Variants in GFY observed in about 807,000 individuals in gnomAD.
GFY encodes the protein Golgi-associated olfactory signaling regulator.
Under a neutral mutation model 29.1 loss-of-function variants are expected in GFY, and 28 were observed. The observed-to-expected ratio is 0.96, with a 90% CI of 0.71 to 1.32. The LOEUF is 1.32. GFY is among the 40% of genes most tolerant of loss of function. The pLI is 0.00. For synonymous variants in GFY, 277 were observed against 274.5 expected (o/e 1.01, Z -0.09); for missense variants, 656 against 661.9 (o/e 0.99, Z 0.10).
At chr19:49,428,252 TC>T in intron 3 of GFY, 133 bp downstream of exon 3, 1 of 1,151,336 alleles carries the variant, frequency 8.7e-7, no homozygotes, top group Non-Finnish European at 1.2e-6. Flanking sequence ...CATGGCAACG[TC>T]CAGCCCCCTA....
At chr19:49,423,958 A>T (rs1388930322), upstream of GFY, 1 of 152,508 alleles carries the variant, frequency 6.6e-6, no homozygotes, top group Non-Finnish European at 1.5e-5. Context: ...CCTGGTCTGG[A>T]AGGAGCTGCC....
chr19:49,424,864 C>T (rs1254050876), upstream of GFY, among the ~76,000 whole-genome samples: 1 of 151,470 alleles, frequency 6.6e-6, no homozygotes. Flanking sequence ...AAAAGAGGGG[C>T]CTTTATACAC....
intron 3 of GFY, 39 bp downstream of exon 3, chr19:49,428,158 A>T: frequency 6.6e-7 from 1 of 1,512,066 alleles, no homozygotes. Flanking sequence ...ACTTTTCCAT[A>T]ACCTGGTCTC....
At position 49,428,805 on chromosome 19, in the gene GFY, A is replaced by T. The variant is rs1338965380; in HGVS notation, c.1544A>T (p.Asn515Ile). Reference protein sequence around the residue: ...LEALSPATLPNNFV With the variant: ...LEALSPATLPINFV The stretch of plus-strand genomic sequence containing the variant: ...GCCCTGTCCCCCGCCACGCTCCCCA[A>T]CAACTTCGTGTGAGCCCCACCGAGT... The change falls in exon 4 of 4, where the codon AAC (asparagine) becomes ATC (isoleucine). Residue 515 changes from asparagine (N) to isoleucine (I), a missense_variant. Transcript: ENST00000610896. The T allele has an allele frequency of 1.4e-6, 2 of 1,452,806 alleles. No individual in the cohort carries two copies. The highest frequency in any genetic ancestry group is 1.8e-6 in the Non-Finnish European group (2 of 1,104,592). The allele number at this position is 1,452,806 out of a possible 1,614,324, so 90.0% of individuals were successfully genotyped here.
upstream of GFY, among the ~76,000 whole-genome samples, chr19:49,424,175 C>T (rs560737255): frequency 3.3e-5 from 5 of 152,140 alleles, no homozygotes; most frequent in South Asian, 2.1e-4. Context: ...AAGCCCTTAT[C>T]TGGGAGGAGT....
Position 49,427,544 on chromosome 19 carries a change from G to A in GFY, c.1114G>A (p.Ala372Thr). The A allele has an allele frequency of 1.3e-6, 2 of 1,515,206 alleles. No homozygotes were observed. The highest frequency in any genetic ancestry group is 1.8e-6 in the Non-Finnish European group (2 of 1,137,366). The allele number at this position is 1,515,206 out of a possible 1,614,324, so 93.9% of individuals were successfully genotyped here. ...TCAGTTGGCCCCTGCCACTCTGCGGGCACCCCAGAGGCACAGCCGAGGTGA... is the reference window on the plus strand; with the variant it reads ...TCAGTTGGCCCCTGCCACTCTGCGGACACCCCAGAGGCACAGCCGAGGTGA... ...PSQLAPATLR[A>T]PQRHSRGEGV... is the part of the protein sequence containing the mutation. Residue 372 changes from alanine (A) to threonine (T), a missense_variant, in exon 2 of 4, where the codon GCA becomes ACA. Coordinates refer to ENST00000610896, the MANE Select transcript of GFY (RefSeq NM_001195256.2).
chr19:49,428,709 C>T lies in GFY; in HGVS notation c.1448C>T (p.Pro483Leu). 6.5e-7 allele frequency: 1 copy of T among 1,531,876 alleles called. No homozygotes were observed. The highest frequency in any genetic ancestry group is 8.7e-7 in the Non-Finnish European group (1 of 1,144,694). The allele number at this position is 1,531,876 out of a possible 1,614,324, so 94.9% of individuals were successfully genotyped here. A position where few individuals can be genotyped will look rare whatever the true frequency, so the allele number is the denominator to read the frequency against. ...WVPSHIATKQPPPTPPLPPKL... is the reference protein window; with the variant it reads ...WVPSHIATKQLPPTPPLPPKL... ...CCTTCCCACATCGCCACCAAGCAGC[C>T]CCCGCCCACACCTCCTCTGCCACCA... Residue 483 changes from proline to leucine, a missense_variant, in exon 4 of 4, where the codon CCC (proline) becomes CTC (leucine). Transcript: ENST00000610896.
At position 49,428,908 on chromosome 19, in the gene GFY, T is replaced by G. The variant is rs933331342; in HGVS notation, c.*90T>G. 8.2e-6 allele frequency: 7 copies of G among 857,046 alleles called. No individual in the cohort carries two copies. In the African/African-American group the frequency reaches 1.2e-4, roughly 15 times the overall value. The allele number at this position is 857,046 out of a possible 1,614,324, so 53.1% of individuals were successfully genotyped here. ...TGCTTAGCTAGAGTAGTGCCCCGGATAAAGGGTCTAATATACAGAGATGCT... is the reference window on the plus strand; with the variant it reads ...TGCTTAGCTAGAGTAGTGCCCCGGAGAAAGGGTCTAATATACAGAGATGCT... On this transcript the variant is annotated 3_prime_UTR_variant, in exon 4 of 4. Transcript: ENST00000610896.
chr19:49,428,185 C>A (rs1428451695), intron 3 of GFY, 66 bp downstream of exon 3: 39 of 1,482,996 alleles, frequency 2.6e-5, no homozygotes, highest in Non-Finnish European at 3.2e-5. Flanking sequence ...CACTACAGGG[C>A]GCCAGCCAAA....
chr19:49,426,847 T>C lies in GFY; in HGVS notation c.417T>C (p.Pro139=), dbSNP rs1352844071. 1.3e-6 allele frequency: 2 copies of C among 1,535,604 alleles called. No individual in the cohort carries two copies. The highest frequency in any genetic ancestry group is 1.7e-6 in the Non-Finnish European group (2 of 1,146,790). Residue 139 remains proline, a synonymous_variant, in exon 2 of 4, where the codon CCT becomes CCC. Coordinates refer to ENST00000610896, the MANE Select transcript of GFY (RefSeq NM_001195256.2). The part of the protein sequence containing the change: ...AHPESSETPT[P]GPTEMPHPGS... ...CAGAGTCTTCTGAGACCCCCACACC[T>C]GGCCCAACTGAAATGCCACACCCAG... is the stretch of plus-strand genomic sequence containing the variant.
rs949298370 is a variant in GFY, at chr19:49,428,937, G to T, written c.*119G>T. ...GGGTCTAATATACAGAGATGCTTGC[G>T]CTGTGATCAGAGAACAAGGTCTGAG... On this transcript the variant is annotated 3_prime_UTR_variant, in exon 4 of 4. Transcript: ENST00000610896. 10 of 629,906 alleles carry T rather than the reference G, an allele frequency of 1.6e-5. No homozygotes were observed. The highest frequency in any genetic ancestry group is 9.6e-5 in the African/African-American group (5 of 52,164). The allele number at this position is 629,906 out of a possible 1,614,324, so 39.0% of individuals were successfully genotyped here. A position where few individuals can be genotyped will look rare whatever the true frequency, so the allele number is the denominator to read the frequency against.
chr19:49,426,760 C>T lies in GFY; in HGVS notation c.330C>T (p.Leu110=). ...ESPETPKADS[L]TTSISESLDM... ...CTGAGACCCCCAAAGCTGACTCACT[C>T]ACAACCTCAATATCAGAATCCCTGG... The change falls in exon 2 of 4, where the codon CTC becomes CTT. Residue 110 remains leucine (L), a synonymous_variant. Transcript: ENST00000610896. The T allele has an allele frequency of 6.5e-7, 1 of 1,535,576 alleles. No homozygotes were observed. Among genetic ancestry groups the T allele is most frequent in the Non-Finnish European group, 8.7e-7 (1 of 1,146,774 alleles).
chr19:49,428,827 G>A lies in GFY; in HGVS notation c.*9G>A, dbSNP rs1020483857. The A allele has an allele frequency of 1.6e-5, 23 of 1,428,034 alleles. No homozygotes were observed. Among genetic ancestry groups the A allele is most frequent in the Non-Finnish European group, 2.0e-5 (22 of 1,091,744 alleles). The allele number at this position is 1,428,034 out of a possible 1,614,324, so 88.5% of individuals were successfully genotyped here. A position where few individuals can be genotyped will look rare whatever the true frequency, so the allele number is the denominator to read the frequency against. ...CCAACAACTTCGTGTGAGCCCCACC[G>A]AGTTCTGCCGGACCTGCACATCCCC... On this transcript the variant is annotated 3_prime_UTR_variant, in exon 4 of 4. Transcript: ENST00000610896.
rs1255003943 is a variant in GFY, at chr19:49,428,850, C to G, written c.*32C>G. ...CCGAGTTCTGCCGGACCTGCACATC[C>G]CCACAGTGAAGGAAAACCCTGCGCT... On this transcript the variant is annotated 3_prime_UTR_variant, in exon 4 of 4. Coordinates refer to ENST00000610896, the MANE Select transcript of GFY (RefSeq NM_001195256.2). The G allele has an allele frequency of 1.5e-6, 2 of 1,378,692 alleles. No homozygotes were observed. The highest frequency in any genetic ancestry group is 6.0e-5 in the Admixed American group (2 of 33,340). The allele number at this position is 1,378,692 out of a possible 1,614,324, so 85.4% of individuals were successfully genotyped here.
At position 49,426,410 on chromosome 19, in the gene GFY, C is replaced by G. The variant is rs1290547467; in HGVS notation, c.-21C>G. 5 of 1,515,066 alleles carry G rather than the reference C, an allele frequency of 3.3e-6. No homozygotes were observed. Among genetic ancestry groups the G allele is most frequent in the Non-Finnish European group, 4.4e-6 (5 of 1,136,146 alleles). 93.9% of individuals were successfully genotyped at this position (1,515,066 alleles called of 1,614,324 possible). On this transcript the variant is annotated splice_region_variant and 5_prime_UTR_variant, in exon 2 of 4. Transcript: ENST00000610896. ...CCTTCCTTCCCGCTCTCCCCCGCAG[C>G]TATAGGTATCTGCCAGAGCTATGAA...
At position 49,426,868 on chromosome 19, in the gene GFY, C is replaced by G; in HGVS notation, c.438C>G (p.His146Gln). 1 of 1,535,994 alleles carries G rather than the reference C, an allele frequency of 6.5e-7. No homozygotes were observed. The highest frequency in any genetic ancestry group is 8.7e-7 in the Non-Finnish European group (1 of 1,146,870). Residue 146 changes from histidine (H) to glutamine (Q), a missense_variant, in exon 2 of 4, where the codon CAC becomes CAG. Transcript: ENST00000610896. ...CACCTGGCCCAACTGAAATGCCACA[C>G]CCAGGATCCCCTGAGACCCCCAAAC... Reference protein sequence around the residue: ...TPTPGPTEMPHPGSPETPKPN... With the variant: ...TPTPGPTEMPQPGSPETPKPN...
At chr19:49,424,748 T>G (rs548690030), upstream of GFY, among the ~76,000 whole-genome samples, 17 of 151,520 alleles carry the variant, frequency 1.1e-4, no homozygotes, top group African/African-American at 4.1e-4. Flanking sequence ...GGCAGGAAAA[T>G]CGCTTGAACC....
Position 49,427,990 on chromosome 19 carries a change from C to T in GFY, c.1228C>T (p.Leu410Phe). ...ACCACGTGGCGCAGCAGGCGGGGCCCTCTGCCTGTTCTTCGCGGGGACCGC... is the reference window on the plus strand; with the variant it reads ...ACCACGTGGCGCAGCAGGCGGGGCCTTCTGCCTGTTCTTCGCGGGGACCGC... ...GRPRGAAGGA[L>F]CLFFAGTALL... The change falls in exon 3 of 4, where the codon CTC (leucine) becomes TTC (phenylalanine). Residue 410 changes from leucine to phenylalanine, a missense_variant. Physicochemically the swap from Leu to Phe is conservative, Grantham distance 22 (BLOSUM62 0). Coordinates refer to ENST00000610896, the MANE Select transcript of GFY (RefSeq NM_001195256.2). The T allele has an allele frequency of 6.5e-7, 1 of 1,535,860 alleles. No homozygotes were observed. The highest frequency in any genetic ancestry group is 1.4e-5 in the African/African-American group (1 of 73,178).
intron 3 of GFY, 86 bp from the exon 4 acceptor site, chr19:49,428,533 G>C: frequency 1.9e-6 from 2 of 1,050,428 alleles, no homozygotes; most frequent in Middle Eastern, 2.1e-4. Flanking sequence ...CTGATCGGTC[G>C]GCCGCACAAA....
Sources: allele counts gnomAD v4.1 joint callset (sites outside exome capture counted in the v4.1 genomes callset), GRCh38; gene constraint gnomAD v4.1.1; transcripts MANE v1.5; gene names NCBI Gene and HGNC (gene_info 2026-07-23, HGNC 2026-07-21).